The following CNTNAP5 variants were observed in gnomAD, a reference collection of about 807,000 sequenced individuals.
CNTNAP5 encodes contactin-associated protein-like 5.
A neutral mutation model predicts 150.2 loss-of-function variants in CNTNAP5; 72 were observed. The observed-to-expected ratio is 0.48, with a 90% CI of 0.40 to 0.58. The LOEUF (loss-of-function observed/expected upper bound fraction) is 0.58, where lower values mean the gene tolerates loss of function less well. Among genes scored for constraint, CNTNAP5 ranks in the 20% least tolerant of loss-of-function variants. The pLI is 0.00. For missense variants in CNTNAP5, 1,636 were observed against 1,626.2 expected, an observed-to-expected ratio of 1.01 and a Z score of -0.10; for synonymous variants, 672 against 619.8, an observed-to-expected ratio of 1.08 and a Z score of -1.25.
chr2:124,664,243 A>G (rs2105048704), intron 13 of CNTNAP5, among the ~76,000 whole-genome samples: 1 of 150,130 alleles, frequency 6.7e-6, no homozygotes, highest in South Asian at 2.1e-4. Flanking sequence ...TGACTGCTTG[A>G]GCCCAAGTGG....
At chr2:124,290,222 G>A (rs550238220) in intron 3 of CNTNAP5, among the ~76,000 whole-genome samples, 4 of 152,224 alleles carry the variant, frequency 2.6e-5, no homozygotes, top group South Asian at 2.1e-4. Context: ...TCTTATAGCC[G>A]TTCCTGAAAC....
chr2:124,356,419 C>G (rs1032853583), intron 3 of CNTNAP5, among the ~76,000 whole-genome samples: 3 of 150,024 alleles, frequency 2.0e-5, no homozygotes, highest in Non-Finnish European at 3.0e-5. Flanking sequence ...AAATCGTCAT[C>G]TAGCATTAGG....
chr2:124,469,265 C>A (rs1693448913), intron 6 of CNTNAP5, among the ~76,000 whole-genome samples: 1 of 152,116 alleles, frequency 6.6e-6, no homozygotes, highest in African/African-American at 2.4e-5. Flanking sequence ...AAACTCTCCA[C>A]CCTGAATATT....
intron 11 of CNTNAP5, among the ~76,000 whole-genome samples, chr2:124,600,291 G>T (rs192753254): frequency 4.5e-4 from 69 of 152,200 alleles, no homozygotes; most frequent in Non-Finnish European, 8.4e-4. Context: ...TCAGTGATGG[G>T]GTGCTCATAG....
chr2:124,724,957 A>G (rs1680125790), intron 13 of CNTNAP5, among the ~76,000 whole-genome samples: 1 of 123,204 alleles, frequency 8.1e-6, no homozygotes, highest in East Asian at 2.2e-4. Context: ...AGGAGATTCC[A>G]CTATATGAAT....
chr2:124,480,230 T>C (rs1236987762), intron 7 of CNTNAP5, among the ~76,000 whole-genome samples: 1 of 152,208 alleles, frequency 6.6e-6, no homozygotes, highest in East Asian at 1.9e-4. Context: ...GAAAATTTGA[T>C]GAAAATCATT....
chr2:124,397,685 C>G (rs1381264815), intron 3 of CNTNAP5, among the ~76,000 whole-genome samples: 1 of 152,144 alleles, frequency 6.6e-6, no homozygotes, highest in African/African-American at 2.4e-5. Flanking sequence ...GTATTGTTAT[C>G]TCCATTTAAT....
At chr2:124,601,328 A>T (rs1696979615) in intron 11 of CNTNAP5, among the ~76,000 whole-genome samples, 1 of 152,238 alleles carries the variant, frequency 6.6e-6, no homozygotes. Flanking sequence ...AGAGAAAGAC[A>T]AAAGACACTA....
intron 1 of CNTNAP5, among the ~76,000 whole-genome samples, chr2:124,198,494 G>A (rs143155781): frequency 1.1e-3 from 165 of 151,886 alleles, no homozygotes; most frequent in Admixed American, 2.7e-3. Context: ...TGAGGTTTAG[G>A]GCATGATTCA....
In CNTNAP5 at chr2:124,772,455, C is replaced by G. The variant is rs1488886427; in HGVS notation, c.2534-344C>G. ...TGCAGGAGTGGAGCTGCCTTGCTAA[C>G]CTCATGTCTGCAGATATCCTGGAGG... is the stretch of plus-strand genomic sequence containing the variant. On this transcript the variant is annotated intron_variant, in intron 16 of 23. Transcript: ENST00000682447. Among the ~76,000 whole-genome samples the G allele has an allele frequency of 3.9e-5, 6 of 152,130 alleles. No individual in the cohort carries two copies. In the South Asian group the frequency reaches 8.3e-4, roughly 21 times the overall value.
At chr2:124,232,045 A>G (rs551972342) in intron 2 of CNTNAP5, among the ~76,000 whole-genome samples, 1 of 152,194 alleles carries the variant, frequency 6.6e-6, no homozygotes, top group Admixed American at 6.5e-5. Context: ...TTGAAAGGCC[A>G]GGTTGCGATG....
At chr2:124,665,099 G>A (rs546831610) in intron 13 of CNTNAP5, among the ~76,000 whole-genome samples, 1 of 151,774 alleles carries the variant, frequency 6.6e-6, no homozygotes, top group African/African-American at 2.4e-5. Flanking sequence ...ACAAACAAAA[G>A]GCAAAAACAG....
chr2:124,765,095 G>T (rs1681042172), intron 16 of CNTNAP5, among the ~76,000 whole-genome samples: 1 of 152,000 alleles, frequency 6.6e-6, no homozygotes, highest in African/African-American at 2.4e-5. Flanking sequence ...TATACAAATA[G>T]ATAAGGTTTT....
At chr2:124,856,006 C>A (rs1395820513) in intron 19 of CNTNAP5, among the ~76,000 whole-genome samples, 1 of 151,980 alleles carries the variant, frequency 6.6e-6, no homozygotes, top group African/African-American at 2.4e-5. Flanking sequence ...GAATAAGGGT[C>A]TCCAGTTCCA....
intron 12 of CNTNAP5, among the ~76,000 whole-genome samples, chr2:124,640,321 A>G (rs1338303612): frequency 1.3e-5 from 2 of 152,228 alleles, no homozygotes; most frequent in Admixed American, 6.5e-5. Flanking sequence ...AAGTGTGAAT[A>G]TAAATCAGCC....
At chr2:124,344,708 A>G (rs902231254) in intron 3 of CNTNAP5, among the ~76,000 whole-genome samples, 2 of 152,184 alleles carry the variant, frequency 1.3e-5, no homozygotes, top group African/African-American at 4.8e-5. Flanking sequence ...GTGAGCCATG[A>G]TAGCACCACT....
chr2:124,419,944 C>CCT (rs1558893995), intron 4 of CNTNAP5, among the ~76,000 whole-genome samples: 2,695 of 116,810 alleles, frequency 0.023, 47 homozygotes, highest in Non-Finnish European at 0.029. Context: ...TTCTTTCTTT[C>CCT]TTTCTTTCTT....
At chr2:124,691,206 C>G (rs1679293520) in intron 13 of CNTNAP5, among the ~76,000 whole-genome samples, 1 of 152,078 alleles carries the variant, frequency 6.6e-6, no homozygotes, top group African/African-American at 2.4e-5. Context: ...CAACATTTTT[C>G]TTGGCTTCTC....
intron 5 of CNTNAP5, 49 bp downstream of exon 5, chr2:124,434,736 A>G (rs1338550694): frequency 1.6e-5 from 23 of 1,481,186 alleles, no homozygotes; most frequent in Admixed American, 3.9e-5. Context: ...GAGCTCCTTT[A>G]CTCCACAGCT....
Sources: allele counts gnomAD v4.1 joint callset (sites outside exome capture counted in the v4.1 genomes callset), GRCh38; gene constraint gnomAD v4.1.1; transcripts MANE v1.5; gene names NCBI Gene and HGNC (gene_info 2026-07-23, HGNC 2026-07-21).